The following GPR89B variants were observed in gnomAD, a reference collection of about 807,000 sequenced individuals.
The protein encoded by GPR89B is golgi pH regulator B.
Under a neutral mutation model 52.4 loss-of-function variants are expected in GPR89B, and 25 were observed. The ratio of observed to expected loss-of-function variants is 0.48; its 90% CI spans 0.35 to 0.67. GPR89B has a LOEUF of 0.67. GPR89B is among the 30% of genes least tolerant of loss of function. The probability of loss-of-function intolerance (pLI) is 0.01; values close to 1 mark genes in which losing one functional copy is unlikely to be tolerated. For missense variants in GPR89B, 146 were observed against 450.2 expected, an observed-to-expected ratio of 0.32 and a Z score of 6.11; for synonymous variants, 52 against 151.2, an observed-to-expected ratio of 0.34 and a Z score of 4.81.
intron 7 of GPR89B, among the ~76,000 whole-genome samples, chr1:147,965,666 C>T (rs1417894671): frequency 1.3e-5 from 2 of 151,932 alleles, no homozygotes; most frequent in African/African-American, 2.4e-5. Context: ...GGACAGATTA[C>T]AGAAGGTGAG....
the GPR89B span, among the ~76,000 whole-genome samples, chr1:148,008,377 T>C: frequency 6.6e-6 from 1 of 152,108 alleles, no homozygotes; most frequent in South Asian, 2.1e-4. Flanking sequence ...AAGCTTCCTT[T>C]GACTATACAC....
Position 147,986,211 on chromosome 1 carries a change from A to G in GPR89B, c.922A>G (p.Ile308Val). ...VWKIFMATIN[I>V]VFDRVGKTDP... ...TGCATCTTTGCAGGCTACCATCAAT[A>G]TTGTTTTTGATCGAGTTGGGAAAAC... is the stretch of plus-strand genomic sequence containing the variant. The change falls in exon 11 of 14, where the codon ATT (isoleucine) becomes GTT (valine). Residue 308 changes from isoleucine to valine, a missense_variant. By Grantham distance (29) the Ile-to-Val change is conservative. Transcript: ENST00000314163. 23 of 1,611,266 alleles carry G rather than the reference A, an allele frequency of 1.4e-5. No homozygotes were observed. Among genetic ancestry groups the G allele is most frequent in the South Asian group, 9.9e-5 (9 of 90,946 alleles).
At chr1:148,001,769 C>G in the GPR89B span, among the ~76,000 whole-genome samples, 1 of 149,682 alleles carries the variant, frequency 6.7e-6, no homozygotes, top group Non-Finnish European at 1.5e-5. Flanking sequence ...AATCCTGTTA[C>G]TAAAAGCATC....
chr1:147,942,563 A>G (rs1553249098), intron 3 of GPR89B, among the ~76,000 whole-genome samples: 1 of 152,086 alleles, frequency 6.6e-6, no homozygotes, highest in African/African-American at 2.4e-5. Flanking sequence ...AATGTCCTCA[A>G]TTAATGAATG....
the GPR89B span, chr1:148,024,794 T>G: frequency 6.6e-6 from 1 of 151,518 alleles, no homozygotes; most frequent in East Asian, 1.9e-4. Flanking sequence ...CTCAAGGGGA[T>G]GTAGAAATGG....
At chr1:148,004,288 C>T in the GPR89B span, among the ~76,000 whole-genome samples, 7 of 151,654 alleles carry the variant, frequency 4.6e-5, no homozygotes, top group African/African-American at 1.7e-4. Flanking sequence ...TCCCGAGTAC[C>T]TGGGACTACA....
At chr1:148,018,888 A>G in the GPR89B span, among the ~76,000 whole-genome samples, 1 of 151,034 alleles carries the variant, frequency 6.6e-6, no homozygotes, top group South Asian at 2.1e-4. Context: ...CTGGTCTCGA[A>G]CTCCTGACCT....
chr1:148,009,226 T>C, the GPR89B span: 1 of 1,174,734 alleles, frequency 8.5e-7, no homozygotes, highest in Non-Finnish European at 1.2e-6. Flanking sequence ...TTGCAAGCTA[T>C]CTATAGCAAC....
intron 9 of GPR89B, chr1:147,969,304 G>C (rs1350762684): frequency 3.4e-6 from 1 of 298,288 alleles, no homozygotes; most frequent in Non-Finnish European, 6.2e-6. Context: ...TATAAGAGCA[G>C]TAGACACCTA....
rs1416633763 is a variant in GPR89B, at chr1:147,967,783, A to G, written c.728-1092A>G. On this transcript the variant is annotated intron_variant, in intron 8 of 13. Coordinates refer to ENST00000314163, the MANE Select transcript of GPR89B (RefSeq NM_016334.5). ...GGATTAATTTAGATTTATTTAACCA[A>G]GAAACATTTATTTTGTATCTCCTAT... The G allele has an allele frequency of 1.3e-5, 2 of 153,310 alleles. 1 individual carries two copies. The highest frequency in any genetic ancestry group is 4.9e-5 in the African/African-American group (2 of 40,672). The allele number at this position is 153,310 out of a possible 1,614,324, so 9.5% of individuals were successfully genotyped here. A position where few individuals can be genotyped will look rare whatever the true frequency, so the allele number is the denominator to read the frequency against.
chr1:147,928,756 G>C (rs1188618816), intron 1 of GPR89B, 178 bp downstream of exon 1: 1 of 585,680 alleles, frequency 1.7e-6, no homozygotes, highest in Non-Finnish European at 2.1e-6. Context: ...CTCAGCCCCG[G>C]CTGTCAGGAG....
At chr1:147,978,806 C>A (rs1337342940) in intron 10 of GPR89B, among the ~76,000 whole-genome samples, 8 of 151,848 alleles carry the variant, frequency 5.3e-5, no homozygotes, top group Non-Finnish European at 1.2e-4. Context: ...CTGGTCCAAA[C>A]CACCTATTCT....
chr1:147,974,994 A>G (rs1657732591), intron 10 of GPR89B, among the ~76,000 whole-genome samples: 1 of 151,924 alleles, frequency 6.6e-6, no homozygotes, highest in South Asian at 2.1e-4. Context: ...TGTATGTTGA[A>G]CCAGTGTTGC....
downstream of GPR89B, among the ~76,000 whole-genome samples, chr1:147,997,743 T>C (rs1659350455): frequency 6.6e-6 from 1 of 152,186 alleles, no homozygotes; most frequent in South Asian, 2.1e-4. Flanking sequence ...TTTTTATCAC[T>C]ATCCAAAGAT....
intron 10 of GPR89B, among the ~76,000 whole-genome samples, chr1:147,973,061 T>G (rs1285730283): frequency 6.6e-6 from 1 of 151,730 alleles, no homozygotes; most frequent in East Asian, 1.9e-4. Context: ...GGTCTATCAT[T>G]GATGGGCATT....
At position 147,949,969 on chromosome 1, in the gene GPR89B, T is replaced by G. The variant is rs1374235096; in HGVS notation, c.416-3376T>G. Among the ~76,000 whole-genome samples the G allele has an allele frequency of 8.7e-3, 674 of 77,174 alleles. 6 individuals carry two copies. The highest frequency in any genetic ancestry group is 0.022 in the East Asian group (59 of 2,624). The allele number at this position is 77,174 out of a possible 152,430, so 50.6% of individuals were successfully genotyped here. On this transcript the variant is annotated intron_variant, in intron 5 of 13. Coordinates refer to ENST00000314163, the MANE Select transcript of GPR89B (RefSeq NM_016334.5). Reference sequence around the variant, plus strand: ...CCCGGACGGTGCGGCTGGCCGGGTGTGGGGCTGACCCCCCCACCTCCCTCC... The same window carrying G: ...CCCGGACGGTGCGGCTGGCCGGGTGGGGGGCTGACCCCCCCACCTCCCTCC...
downstream of GPR89B, among the ~76,000 whole-genome samples, chr1:147,996,924 CTG>C (rs1200925093): frequency 1.3e-5 from 2 of 149,724 alleles, no homozygotes; most frequent in African/African-American, 2.5e-5. Flanking sequence ...TAAAAGAAGA[CTG>C]TGCTTCGTTA....
intron 7 of GPR89B, among the ~76,000 whole-genome samples, 188 bp downstream of exon 7, chr1:147,954,590 G>T (rs1655973827): frequency 2.0e-5 from 3 of 151,500 alleles, no homozygotes; most frequent in Non-Finnish European, 2.9e-5. Flanking sequence ...GGCCACGACG[G>T]GGGGATCATT....
At chr1:147,986,137 C>G in intron 10 of GPR89B, 62 bp from the exon 11 acceptor site, 17 of 1,609,966 alleles carry the variant, frequency 1.1e-5, no homozygotes, top group Non-Finnish European at 1.4e-5. Context: ...TAGTTTCAGT[C>G]ACTTTTTGAA....
Sources: gnomAD v4.1 joint callset for allele counts (sites outside exome capture counted in the v4.1 genomes callset) on GRCh38, gnomAD v4.1.1 for gene constraint, MANE v1.5 for transcripts, NCBI Gene and HGNC (gene_info 2026-07-23, HGNC 2026-07-21) for gene names.